The following MRTFB variants were observed in gnomAD, a reference collection of about 807,000 sequenced individuals.
The protein encoded by MRTFB is myocardin related transcription factor B.
In MRTFB, 29 loss-of-function variants were observed where a neutral mutation model predicts 104.2. The observed-to-expected ratio is 0.28, with a 90% CI of 0.21 to 0.38. The LOEUF is 0.38. Among genes scored for constraint, MRTFB ranks in the 10% least tolerant of loss-of-function variants. MRTFB has a pLI of 1.00. For synonymous variants in MRTFB, 535 were observed against 519.5 expected, an observed-to-expected ratio of 1.03 and a Z score of -0.41; for missense variants, 1,270 against 1,341.6, an observed-to-expected ratio of 0.95 and a Z score of 0.83.
intron 2 of MRTFB, among the ~76,000 whole-genome samples, chr16:14,138,868 C>G (rs1444784588): frequency 6.6e-6 from 1 of 152,060 alleles, no homozygotes; most frequent in Non-Finnish European, 1.5e-5. Flanking sequence ...ATCAAATACA[C>G]ATATGCCAAA....
intron 3 of MRTFB, chr16:14,142,139 A>T (rs2038036173): frequency 6.6e-6 from 1 of 151,706 alleles, no homozygotes; most frequent in Non-Finnish European, 1.5e-5. Context: ...GCACCCGGCC[A>T]ATTTTGATAG....
At position 14,166,220 on chromosome 16, in the gene MRTFB, T is replaced by TC. The variant is rs1215184939; in HGVS notation, c.154+25460_154+25461insC. 8.0e-3 allele frequency among the ~76,000 whole-genome samples: 1,187 copies of TC among 148,716 alleles called. 18 individuals are homozygous for TC. Among genetic ancestry groups the TC allele is most frequent in the African/African-American group, 0.027 (1,089 of 40,528 alleles). On this transcript the variant is annotated intron_variant, in intron 3 of 16. Transcript: ENST00000571589. ...GGTTTTGTGTGGGTTTTCTTTTCTT[T>TC]TTTTTTTTTTTTTTTGCCAACATCT...
chr16:14,031,121 A>T, the MRTFB span, among the ~76,000 whole-genome samples: 2 of 152,224 alleles, frequency 1.3e-5, no homozygotes, highest in South Asian at 4.1e-4. Context: ...ACCAGGTGCG[A>T]TAGCTCATGC....
chr16:14,140,349 T>A (rs2037931036), intron 2 of MRTFB, among the ~76,000 whole-genome samples, 195 bp from the exon 3 acceptor site: 1 of 152,222 alleles, frequency 6.6e-6, no homozygotes, highest in African/African-American at 2.4e-5. Flanking sequence ...ATTTACCTTA[T>A]AATTGCTTGT....
the MRTFB span, among the ~76,000 whole-genome samples, chr16:14,011,923 G>T: frequency 6.6e-6 from 1 of 152,184 alleles, no homozygotes; most frequent in South Asian, 2.1e-4. Context: ...ATTCGTTATT[G>T]TTACAGGGAA....
chr16:14,208,358 G>C (rs76295878), intron 3 of MRTFB, among the ~76,000 whole-genome samples: 2 of 152,156 alleles, frequency 1.3e-5, no homozygotes, highest in African/African-American at 2.4e-5. Flanking sequence ...CCCAAAAAAC[G>C]TATTGTGTCT....
chr16:14,240,371 G>A lies in MRTFB; in HGVS notation c.966G>A (p.Met322Ile). The change falls in exon 10 of 17, where the codon ATG becomes ATA. Residue 322 changes from methionine (M) to isoleucine (I), a missense_variant. Around this residue, in one of 3 missense-constraint regions of MRTFB, gnomAD observed 1,144 missense variants for 1,131.5 expected, o/e 1.01. Coordinates refer to ENST00000571589, the MANE Select transcript of MRTFB (RefSeq NM_001308142.2). ...AGGGTGAGAAGAATGAGCCGCAGAT[G>A]GACTCTAACTACGCCCGCCTGCTCC... The part of the protein sequence containing the change: ...DQKGEKNEPQ[M>I]DSNYARLLQQ... The A allele has an allele frequency of 6.2e-7, 1 of 1,614,184 alleles. No individual in the cohort carries two copies. Among genetic ancestry groups the A allele is most frequent in the Non-Finnish European group, 8.5e-7 (1 of 1,180,030 alleles).
chr16:14,189,837 T>C (rs984330703), intron 3 of MRTFB, among the ~76,000 whole-genome samples: 3 of 152,228 alleles, frequency 2.0e-5, no homozygotes, highest in Non-Finnish European at 2.9e-5. Flanking sequence ...AAGTAGTTGC[T>C]TGCTTGCTTC....
At chr16:14,021,779 A>C in the MRTFB span, among the ~76,000 whole-genome samples, 1 of 152,186 alleles carries the variant, frequency 6.6e-6, no homozygotes, top group East Asian at 1.9e-4. Context: ...GCTGAGTAGT[A>C]TTCCATCGTA....
At chr16:14,247,725 C>T (rs1260721297) in intron 12 of MRTFB, 1 of 564,684 alleles carries the variant, frequency 1.8e-6, no homozygotes, top group East Asian at 2.9e-5. Flanking sequence ...AGTCCTGTTA[C>T]CTTTTCCCTT....
chr16:14,218,965 G>T lies in MRTFB; in HGVS notation c.660G>T (p.Ser220=). The change falls in exon 8 of 17, where the codon TCG becomes TCT. Residue 220 remains serine (S), a synonymous_variant. Coordinates refer to ENST00000571589, the MANE Select transcript of MRTFB (RefSeq NM_001308142.2). ...CAAGTGAGCCAAAAGTTAGTGAATC[G>T]CCATCTCCTGTGACTACAAACACTC... ...ASPSEPKVSE[S]PSPVTTNTPA... is the part of the protein sequence containing the mutation. 6.2e-7 allele frequency: 1 copy of T among 1,613,904 alleles called. No homozygotes were observed. Among genetic ancestry groups the T allele is most frequent in the Non-Finnish European group, 8.5e-7 (1 of 1,179,916 alleles).
chr16:14,149,727 A>G (rs1041550974), intron 3 of MRTFB, among the ~76,000 whole-genome samples: 2 of 152,252 alleles, frequency 1.3e-5, no homozygotes, highest in African/African-American at 4.8e-5. Context: ...TTGAAAGTTC[A>G]TGATGTAGTA....
chr16:14,129,523 A>C (rs1768237680), intron 2 of MRTFB, among the ~76,000 whole-genome samples: 1 of 152,238 alleles, frequency 6.6e-6, no homozygotes, highest in Non-Finnish European at 1.5e-5. Context: ...GCAAATTTTC[A>C]GATGGACATA....
intron 2 of MRTFB, among the ~76,000 whole-genome samples, chr16:14,102,634 C>G (rs2035762349): frequency 6.6e-6 from 1 of 152,216 alleles, no homozygotes; most frequent in South Asian, 2.1e-4. Flanking sequence ...TAAACAAATG[C>G]AACTGAATTT....
At chr16:14,153,952 G>C (rs1328310283) in intron 3 of MRTFB, among the ~76,000 whole-genome samples, 4 of 152,004 alleles carry the variant, frequency 2.6e-5, no homozygotes, top group African/African-American at 9.7e-5. Flanking sequence ...TATATTAATA[G>C]CCCCTCTAAG....
At chr16:14,202,974 A>G (rs2040774013) in intron 3 of MRTFB, among the ~76,000 whole-genome samples, 1 of 152,190 alleles carries the variant, frequency 6.6e-6, no homozygotes, top group South Asian at 2.1e-4. Context: ...AAGTCCAACC[A>G]CTTCATTCTC....
At chr16:14,208,229 C>T (rs989977388) in intron 3 of MRTFB, among the ~76,000 whole-genome samples, 1 of 152,174 alleles carries the variant, frequency 6.6e-6, no homozygotes, top group African/African-American at 2.4e-5. Flanking sequence ...ATGAAGGCAC[C>T]TGAAATGACC....
intron 15 of MRTFB, among the ~76,000 whole-genome samples, chr16:14,254,851 T>G (rs767526393): frequency 3.3e-5 from 5 of 152,222 alleles, no homozygotes; most frequent in Non-Finnish European, 5.9e-5. Context: ...AATCCTGAGC[T>G]CATCTCGATG....
chr16:14,105,472 A>C (rs568757692), intron 2 of MRTFB, among the ~76,000 whole-genome samples: 1 of 151,814 alleles, frequency 6.6e-6, no homozygotes, highest in South Asian at 2.1e-4. Flanking sequence ...ACCATGGCTC[A>C]CTGCAGCCTT....
Sources: gnomAD v4.1 joint callset for allele counts (sites outside exome capture counted in the v4.1 genomes callset) on GRCh38, gnomAD v4.1.1 for gene constraint, gnomAD v4.1.1 regional missense constraint, MANE v1.5 for transcripts, NCBI Gene and HGNC (gene_info 2026-07-23, HGNC 2026-07-21) for gene names.